The following SMYD5 variants were observed in gnomAD, a reference collection of about 807,000 sequenced individuals.
SMYD5 encodes the protein SMYD family member 5.
In SMYD5, 35 loss-of-function variants were observed where a neutral mutation model predicts 57.4. That is an observed-to-expected ratio of 0.61 (90% confidence interval 0.47 to 0.81). The LOEUF (loss-of-function observed/expected upper bound fraction) is 0.81. Among genes scored for constraint, SMYD5 ranks in the 30% least tolerant of loss-of-function variants. The probability of loss-of-function intolerance (pLI) is 0.00; values close to 1 mark genes in which losing one functional copy is unlikely to be tolerated. For synonymous variants in SMYD5, 198 were observed against 189.7 expected (o/e 1.04, Z -0.36); for missense variants, 471 against 527.9 (o/e 0.89, Z 1.06).
At chr2:73,214,522 G>A in intron 1 of SMYD5, 160 bp downstream of exon 1, 2 of 1,480,788 alleles carry the variant, frequency 1.4e-6, no homozygotes, top group Non-Finnish European at 1.8e-6. Flanking sequence ...GTCCCTGCGC[G>A]CAGGCTCGTG....
intron 5 of SMYD5, 93 bp from the exon 6 acceptor site, chr2:73,221,733 A>G (rs572236585): frequency 4.7e-6 from 4 of 842,452 alleles, no homozygotes; most frequent in South Asian, 2.9e-5. Flanking sequence ...AAGGGCCCCT[A>G]TAAGTTCCTG....
chr2:73,226,159 T>C lies in SMYD5; in HGVS notation c.*213T>C, dbSNP rs571561429. On this transcript the variant is annotated 3_prime_UTR_variant, in exon 13 of 13. Coordinates refer to ENST00000389501, the MANE Select transcript of SMYD5 (RefSeq NM_006062.3). ...ACACTGCTGCTGAGTTGGCTCAGAC[T>C]CTGCACTGGCACTGAGCCTTTCACA... is the stretch of plus-strand genomic sequence containing the variant. The C allele has an allele frequency of 7.8e-6, 5 of 639,216 alleles. No individual in the cohort carries two copies. Among genetic ancestry groups the C allele is most frequent in the East Asian group, 2.8e-5 (1 of 35,614 alleles). 39.6% of individuals were successfully genotyped at this position (639,216 alleles called of 1,614,324 possible).
chr2:73,225,358 C>T, intron 11 of SMYD5: 1 of 553,014 alleles, frequency 1.8e-6, no homozygotes, highest in Admixed American at 3.5e-5. Flanking sequence ...ACCTCTGATC[C>T]CAGCTGCAGA....
chr2:73,214,936 A>G, intron 1 of SMYD5: 5 of 628,868 alleles, frequency 8.0e-6, no homozygotes, highest in Non-Finnish European at 9.9e-6. Context: ...CATGTAAGGA[A>G]AGAAAATACA....
At chr2:73,225,014 T>A in intron 11 of SMYD5, 54 bp downstream of exon 11, 1 of 1,363,022 alleles carries the variant, frequency 7.3e-7, no homozygotes, top group Non-Finnish European at 1.0e-6. Context: ...TTGGAAGTTC[T>A]CTGCAGGGAT....
intron 10 of SMYD5, among the ~76,000 whole-genome samples, 171 bp downstream of exon 10, chr2:73,224,174 T>A (rs1352532481): frequency 6.6e-6 from 1 of 152,204 alleles, no homozygotes; most frequent in Non-Finnish European, 1.5e-5. Context: ...CTTTTTGTTC[T>A]ATCATTTTTT....
intron 3 of SMYD5, 108 bp from the exon 4 acceptor site, chr2:73,220,553 A>G: frequency 7.5e-7 from 1 of 1,332,530 alleles, no homozygotes; most frequent in East Asian, 2.3e-5. Flanking sequence ...TTCTCTTCTC[A>G]TGATACATCT....
intron 1 of SMYD5, among the ~76,000 whole-genome samples, chr2:73,217,523 G>A (rs1173303766): frequency 1.3e-5 from 2 of 152,166 alleles, no homozygotes; most frequent in African/African-American, 2.4e-5. Context: ...TGGGATACAA[G>A]GCATGGGGAG....
At chr2:73,223,337 T>C in intron 8 of SMYD5, 89 bp from the exon 9 acceptor site, 1 of 960,788 alleles carries the variant, frequency 1.0e-6, no homozygotes, top group Non-Finnish European at 1.7e-6. Context: ...TGGGAGACCC[T>C]TCTTCCTGGG....
Position 73,221,217 on chromosome 2 carries a change from G to C in SMYD5, c.520G>C (p.Val174Leu), listed in dbSNP as rs759804844. 11 of 1,613,728 alleles carry C rather than the reference G, an allele frequency of 6.8e-6. No individual in the cohort carries two copies. Among genetic ancestry groups the C allele is most frequent in the African/African-American group, 2.7e-5 (2 of 74,830 alleles). Residue 174 changes from valine (V) to leucine (L), a missense_variant, in exon 5 of 13, where the codon GTG (valine) becomes CTG (leucine). Val to Leu is a conservative substitution (Grantham distance 32, BLOSUM62 1). Coordinates refer to ENST00000389501, the MANE Select transcript of SMYD5 (RefSeq NM_006062.3). ...TASIMLMARM[V>L]ATVKQAKDKD... ...AAGCATCATGTTGATGGCTAGGATG[G>C]TGGCCACAGTGAAGCAGGTGAGCCC...
rs773842894 is a variant in SMYD5 at position 73,214,326 on chromosome 2, G to A, written c.60G>A (p.Arg20=). ...GCGTGGGCGTGGCGGGCCGCGCGCG[G>A]GTCTCCGTGGAAGTCCGTTTCGTGA... ...SFCVGVAGRA[R]VSVEVRFVSS... The change falls in exon 1 of 13, where the codon CGG becomes CGA. Residue 20 remains arginine, a synonymous_variant. Transcript: ENST00000389501. 1 of 1,613,582 alleles carries A rather than the reference G, an allele frequency of 6.2e-7. No homozygotes were observed.
Position 73,218,933 on chromosome 2 carries a change from GCA to G in SMYD5, c.172_173del (p.Gln58ValfsTer13). On this transcript the variant is annotated frameshift_variant, in exon 2 of 13. Coordinates refer to ENST00000389501, the MANE Select transcript of SMYD5 (RefSeq NM_006062.3). LOFTEE classifies it high-confidence loss of function. ...CTTCGTAGAACGGCCCCTGGTGGCT[GCA>G]CAGTTTCTCTGGAATGCACTTTATC... Reference protein sequence around the residue: ...TIFVERPLVAAQFLWNALYRY... With the variant: ...TIFVERPLVAXQFLWNALYRY... 2.5e-6 allele frequency: 4 copies of G among 1,614,088 alleles called. No homozygotes were observed. The highest frequency in any genetic ancestry group is 1.1e-5 in the South Asian group (1 of 91,078).
Position 73,225,710 on chromosome 2 carries a change from T to A in SMYD5, c.1106+9T>A. The A allele has an allele frequency of 6.2e-7, 1 of 1,614,232 alleles. No individual in the cohort carries two copies. On this transcript the variant is annotated intron_variant, in intron 12 of 12. Coordinates refer to ENST00000389501, the MANE Select transcript of SMYD5 (RefSeq NM_006062.3). ...CGCCACAAGATCCTCAGGTGCCAGC[T>A]GGGGACATGGTTGTGCAGCTGGGCT... is the stretch of plus-strand genomic sequence containing the variant.
At chr2:73,214,789 G>T in intron 1 of SMYD5, 2 of 1,310,924 alleles carry the variant, frequency 1.5e-6, no homozygotes, top group Non-Finnish European at 1.0e-6. Context: ...CTTCACGAGG[G>T]TCCTTGGAGT....
intron 9 of SMYD5, among the ~76,000 whole-genome samples, chr2:73,223,738 G>A (rs1476548438): frequency 6.6e-6 from 1 of 152,126 alleles, no homozygotes; most frequent in Non-Finnish European, 1.5e-5. Context: ...GCTGGGAGGA[G>A]GGGGGTGCTG....
chr2:73,216,284 G>T (rs1420363404), intron 1 of SMYD5, among the ~76,000 whole-genome samples: 1 of 152,194 alleles, frequency 6.6e-6, no homozygotes, highest in African/African-American at 2.4e-5. Flanking sequence ...CCCGGGCATG[G>T]TGGCTCATTC....
At position 73,224,965 on chromosome 2, in the gene SMYD5, G is replaced by C; in HGVS notation, c.1035+5G>C. ...GAGGATATTAAGCCAGGAGAGGTGA[G>C]GGGGACCAGGAACCGTCGGGATGGG... On this transcript the variant is annotated splice_donor_5th_base_variant and intron_variant, in intron 11 of 12. Transcript: ENST00000389501. 1.9e-6 allele frequency: 3 copies of C among 1,611,566 alleles called. No homozygotes were observed. Among genetic ancestry groups the C allele is most frequent in the Non-Finnish European group, 1.7e-6 (2 of 1,178,106 alleles).
chr2:73,220,258 G>C (rs1047259462), intron 3 of SMYD5, 68 bp downstream of exon 3: 32 of 1,559,024 alleles, frequency 2.1e-5, no homozygotes, highest in African/African-American at 5.4e-5. Flanking sequence ...AGTCCTCAGT[G>C]GGGAGACAGG....
Position 73,218,880 on chromosome 2 carries a change from C to A in SMYD5, c.116C>A (p.Thr39Lys). ...SSAKGKGLFA[T>K]QLIRKGETIF... ...TCTCAGGGAAAGGGGCTGTTTGCCACACAGCTCATCCGGAAGGGGGAGACC... is the reference window on the plus strand; with the variant it reads ...TCTCAGGGAAAGGGGCTGTTTGCCAAACAGCTCATCCGGAAGGGGGAGACC... Residue 39 changes from threonine (T) to lysine (K), a missense_variant, in exon 2 of 13, where the codon ACA becomes AAA. Physicochemically the swap from Thr to Lys is moderately conservative, Grantham distance 78. Transcript: ENST00000389501. The A allele has an allele frequency of 6.2e-7, 1 of 1,613,798 alleles. No homozygotes were observed. The highest frequency in any genetic ancestry group is 8.5e-7 in the Non-Finnish European group (1 of 1,179,658).
Sources: allele counts gnomAD v4.1 joint callset (sites outside exome capture counted in the v4.1 genomes callset), GRCh38; gene constraint gnomAD v4.1.1; transcripts MANE v1.5; gene names NCBI Gene and HGNC (gene_info 2026-07-23, HGNC 2026-07-21).